Variants in ALK observed in about 807,000 individuals in gnomAD.
The protein encoded by ALK is ALK receptor tyrosine kinase.
A neutral mutation model predicts 163.1 loss-of-function variants in ALK; 74 were observed. The ratio of observed to expected loss-of-function variants is 0.45; its 90% CI spans 0.38 to 0.55. ALK has a LOEUF of 0.55. Ranked by LOEUF, ALK falls within the 20% of genes least tolerant of loss-of-function variation. The probability of loss-of-function intolerance (pLI) is 0.00; values close to 1 mark genes in which losing one functional copy is unlikely to be tolerated. For missense variants in ALK, 2,063 were observed against 2,105.3 expected (o/e 0.98, Z 0.39); for synonymous variants, 960 against 843.2 (o/e 1.14, Z -2.40).
chr2:29,907,356 C>G (rs773543638), intron 1 of ALK, among the ~76,000 whole-genome samples: 18 of 152,148 alleles, frequency 1.2e-4, no homozygotes, highest in Non-Finnish European at 1.9e-4. Flanking sequence ...ATATTTCATT[C>G]TCTTTCTCTT....
At chr2:29,452,332 G>GTTTTTTTTTTTTTTTTTTT (rs66533654) in intron 4 of ALK, among the ~76,000 whole-genome samples, 2 of 146,196 alleles carry the variant, frequency 1.4e-5, no homozygotes, top group African/African-American at 5.0e-5. Context: ...AGTTTTTTTT[G>GTTTTTTTTTTTTTTTTTTT]TTTTTTTTTT....
At chr2:29,221,280 G>T (rs1415199590) in intron 22 of ALK, 2 of 515,940 alleles carry the variant, frequency 3.9e-6, no homozygotes, top group African/African-American at 3.8e-5. Context: ...AACAGAGCCA[G>T]CAAAAGGGGA....
intron 1 of ALK, among the ~76,000 whole-genome samples, chr2:29,771,744 C>T (rs571881413): frequency 1.3e-5 from 2 of 152,012 alleles, no homozygotes; most frequent in Non-Finnish European, 2.9e-5. Context: ...CCGTGTTAGC[C>T]AGGATGGTCT....
chr2:29,211,254 C>CGCAT (rs1202168430), intron 24 of ALK, among the ~76,000 whole-genome samples: 4 of 152,066 alleles, frequency 2.6e-5, no homozygotes, highest in Non-Finnish European at 4.4e-5. Context: ...GTATAAAATG[C>CGCAT]CCCCATAAAA....
At chr2:29,758,605 G>C (rs576004187) in intron 1 of ALK, among the ~76,000 whole-genome samples, 2 of 152,230 alleles carry the variant, frequency 1.3e-5, no homozygotes, top group East Asian at 3.9e-4. Flanking sequence ...CAGGCACCTG[G>C]CCCTCTCCTT....
chr2:29,875,346 A>G (rs1666677014), intron 1 of ALK, among the ~76,000 whole-genome samples: 1 of 152,210 alleles, frequency 6.6e-6, no homozygotes, highest in South Asian at 2.1e-4. Flanking sequence ...GGGTGGCACA[A>G]CATTGTAAAT....
At chr2:29,800,090 C>T (rs1225279724) in intron 1 of ALK, among the ~76,000 whole-genome samples, 4 of 152,132 alleles carry the variant, frequency 2.6e-5, no homozygotes, top group South Asian at 2.1e-4. Flanking sequence ...GATGACAGTC[C>T]GGAATGAGGA....
intron 5 of ALK, among the ~76,000 whole-genome samples, chr2:29,337,004 G>A (rs550378543): frequency 1.8e-4 from 27 of 152,246 alleles, no homozygotes; most frequent in Admixed American, 1.7e-3. Context: ...TGGAGTCTAG[G>A]GGACTGGGCC....
chr2:29,639,558 G>A (rs547918719), intron 3 of ALK, among the ~76,000 whole-genome samples: 8 of 152,316 alleles, frequency 5.3e-5, no homozygotes, highest in Non-Finnish European at 1.0e-4. Flanking sequence ...TGAGACCGGG[G>A]AGAATATATT....
intron 3 of ALK, among the ~76,000 whole-genome samples, chr2:29,604,558 G>T (rs1378091422): frequency 1.3e-5 from 2 of 152,144 alleles, no homozygotes; most frequent in African/African-American, 4.8e-5. Context: ...TAAATATCCT[G>T]AGGACATGGG....
intron 1 of ALK, among the ~76,000 whole-genome samples, chr2:29,783,849 G>A (rs528703632): frequency 7.2e-5 from 11 of 152,278 alleles, no homozygotes; most frequent in African/African-American, 2.2e-4. Flanking sequence ...GTGTTGTTAC[G>A]GAGCAGGTGG....
At chr2:29,201,366 C>T (rs1413754969) in intron 26 of ALK, among the ~76,000 whole-genome samples, 2 of 152,248 alleles carry the variant, frequency 1.3e-5, no homozygotes, top group African/African-American at 4.8e-5. Context: ...CATTCTTTCC[C>T]AACTCAGCAG....
chr2:29,847,061 G>C (rs1665863084), intron 1 of ALK, among the ~76,000 whole-genome samples: 1 of 152,198 alleles, frequency 6.6e-6, no homozygotes, highest in African/African-American at 2.4e-5. Flanking sequence ...AGGAGGTCCA[G>C]GTGGCCTCCA....
chr2:29,659,858 G>C (rs1677299232), intron 3 of ALK, among the ~76,000 whole-genome samples: 1 of 151,982 alleles, frequency 6.6e-6, no homozygotes, highest in South Asian at 2.1e-4. Context: ...TTCTCTTCTT[G>C]TCTGCTGTAC....
At chr2:29,194,119 A>G (rs1192215884) in intron 28 of ALK, among the ~76,000 whole-genome samples, 197 bp from the exon 29 acceptor site, 2 of 152,100 alleles carry the variant, frequency 1.3e-5, no homozygotes, top group Non-Finnish European at 1.5e-5. Flanking sequence ...ACCTTAGAGG[A>G]TAAGCGCTAT....
At position 29,560,006 on chromosome 2, in the gene ALK, T is replaced by C. The variant is rs114500657; in HGVS notation, c.953-27890A>G. The stretch of plus-strand genomic sequence containing the variant: ...GCCTTGGGTTTTTTAAAAAGATATA[T>C]AAAATATTTCATTATTTGGAAAGCA... On this transcript the variant is annotated intron_variant, in intron 3 of 28. Transcript: ENST00000389048. Among the ~76,000 whole-genome samples the C allele has an allele frequency of 6.9e-3, 1,058 of 152,310 alleles. 6 individuals carry two copies. The highest frequency in any genetic ancestry group is 0.024 in the African/African-American group (1,015 of 41,560).
chr2:29,407,490 A>C (rs1669613340), intron 4 of ALK, among the ~76,000 whole-genome samples: 1 of 152,248 alleles, frequency 6.6e-6, no homozygotes, highest in Admixed American at 6.5e-5. Context: ...TCAAGATCAC[A>C]CAGCTCGTAA....
rs1426212247 is a variant in ALK, at chr2:29,662,648, C to T, written c.952+32202G>A. On this transcript the variant is annotated intron_variant, in intron 3 of 28. Transcript: ENST00000389048. ...GCCAGCTCCTGCAGTTACAACAACC[C>T]TCTGGTAAGAAACTGTCAAAGTTGA... Among the ~76,000 whole-genome samples, 4 of 152,132 alleles carry T rather than the reference C, an allele frequency of 2.6e-5. 1 individual carries two copies. Among genetic ancestry groups the T allele is most frequent in the African/African-American group, 9.7e-5 (4 of 41,430 alleles).
chr2:29,914,355 T>G (rs551194114), intron 1 of ALK, among the ~76,000 whole-genome samples: 21 of 152,348 alleles, frequency 1.4e-4, no homozygotes, highest in Admixed American at 2.0e-4. Context: ...CAACTGCTGC[T>G]GCCAAGATTG....
Sources: allele counts gnomAD v4.1 joint callset (sites outside exome capture counted in the v4.1 genomes callset), GRCh38; gene constraint gnomAD v4.1.1; transcripts MANE v1.5; gene names NCBI Gene and HGNC (gene_info 2026-07-23, HGNC 2026-07-21).